GALNT18: variants seen among roughly 807,000 people sequenced by gnomAD.
GALNT18 encodes GalNAc-transferase 18.
Under a neutral mutation model 69.5 loss-of-function variants are expected in GALNT18, and 44 were observed. The ratio of observed to expected loss-of-function variants is 0.63; its 90% CI spans 0.50 to 0.81. GALNT18 has a LOEUF of 0.81. GALNT18 is among the 40% of genes least tolerant of loss of function. GALNT18 has a pLI of 0.00. For synonymous variants in GALNT18, 364 were observed against 318.2 expected (o/e 1.14, Z -1.53); for missense variants, 715 against 810.0 (o/e 0.88, Z 1.42).
At chr11:11,411,823 C>T (rs1182394685) in intron 3 of GALNT18, among the ~76,000 whole-genome samples, 1 of 152,194 alleles carries the variant, frequency 6.6e-6, no homozygotes, top group Non-Finnish European at 1.5e-5. Flanking sequence ...AGTCTAGCCT[C>T]GCTCTGACCC....
Position 11,587,176 on chromosome 11 carries a change from T to C in GALNT18, c.235+34183A>G, listed in dbSNP as rs540813592. Reference sequence around the variant, plus strand: ...GGCACAGCAATTTGCTCTAGCACTATATGACTGGTTCTGATTGGACACTGC... The same window carrying C: ...GGCACAGCAATTTGCTCTAGCACTACATGACTGGTTCTGATTGGACACTGC... On this transcript the variant is annotated intron_variant, in intron 1 of 10. Coordinates refer to ENST00000227756, the MANE Select transcript of GALNT18 (RefSeq NM_198516.3). This position sits in a 1 kb window ranked among gnomAD's most constrained non-coding sequence, Gnocchi z 4.4. 6.6e-6 allele frequency among the ~76,000 whole-genome samples: 1 copy of C among 152,328 alleles called. No homozygotes were observed. Among genetic ancestry groups the C allele is most frequent in the African/African-American group, 2.4e-5 (1 of 41,580 alleles).
chr11:11,589,122 G>A (rs1859292656), intron 1 of GALNT18, among the ~76,000 whole-genome samples: 1 of 152,168 alleles, frequency 6.6e-6, no homozygotes, highest in Non-Finnish European at 1.5e-5. Flanking sequence ...GGACTCTGCT[G>A]GTTAGCTCTC....
At chr11:11,278,229 A>C (rs1030989936) in intron 10 of GALNT18, among the ~76,000 whole-genome samples, 9 of 152,060 alleles carry the variant, frequency 5.9e-5, no homozygotes, top group Non-Finnish European at 1.2e-4. Flanking sequence ...TTAACACCCC[A>C]CCTTTAATGT....
intron 1 of GALNT18, among the ~76,000 whole-genome samples, chr11:11,468,391 C>T (rs926204336): frequency 2.0e-5 from 3 of 152,344 alleles, no homozygotes; most frequent in South Asian, 2.1e-4. Context: ...CAGGCCCCCA[C>T]TGGTGAGTGC....
chr11:11,288,412 T>A (rs570106013), intron 10 of GALNT18, among the ~76,000 whole-genome samples: 1 of 152,298 alleles, frequency 6.6e-6, no homozygotes, highest in Admixed American at 6.5e-5. Flanking sequence ...AAGCCTCCTA[T>A]GTGAAGCCAT....
In GALNT18 at chr11:11,293,150, A is replaced by G; in HGVS notation, c.1556T>C (p.Leu519Pro). 1 of 1,353,534 alleles carries G rather than the reference A, an allele frequency of 7.4e-7. No homozygotes were observed. The allele number at this position is 1,353,534 out of a possible 1,614,324, so 83.8% of individuals were successfully genotyped here. A position where few individuals can be genotyped will look rare whatever the true frequency, so the allele number is the denominator to read the frequency against. Residue 519 changes from leucine (L) to proline (P), a missense_variant, in exon 10 of 11, where the codon CTG becomes CCG. Physicochemically the swap from Leu to Pro is moderately conservative, Grantham distance 98. Transcript: ENST00000227756. ...GTCATCATCATCCACGGTGGGGCTC[A>G]GAATGCCCACATGGATCTGCTGACT... ...TSSQQIHVGI[L>P]SPTVDDDDNR...
chr11:11,343,932 A>G (rs78740708), intron 6 of GALNT18, among the ~76,000 whole-genome samples: 10,147 of 152,018 alleles, frequency 0.067, 405 homozygotes, highest in South Asian at 0.13. Context: ...CAGCACCTGA[A>G]TTCACTCCCC....
chr11:11,483,289 C>T (rs1856572608), intron 1 of GALNT18, among the ~76,000 whole-genome samples: 1 of 152,188 alleles, frequency 6.6e-6, no homozygotes, highest in African/African-American at 2.4e-5. Flanking sequence ...CCCTGATTCC[C>T]CCGGCTGTAA....
Position 11,340,785 on chromosome 11 carries a change from C to G in GALNT18, c.1278+34G>C. The G allele has an allele frequency of 6.4e-7, 1 of 1,562,966 alleles. No homozygotes were observed. Among genetic ancestry groups the G allele is most frequent in the Non-Finnish European group, 8.7e-7 (1 of 1,150,862 alleles). ...CTTGTTTTGTTTGTTTTCCACCAAT[C>G]CCCGAGAAACTCATCCCTACCGGAG... On this transcript the variant is annotated intron_variant, in intron 7 of 10. Coordinates refer to ENST00000227756, the MANE Select transcript of GALNT18 (RefSeq NM_198516.3). The surrounding 1 kb of genome is among the most constrained non-coding windows in gnomAD (Gnocchi z 4.2).
intron 10 of GALNT18, among the ~76,000 whole-genome samples, chr11:11,286,758 GAA>G (rs1849203842): frequency 6.6e-6 from 1 of 152,194 alleles, no homozygotes; most frequent in African/African-American, 2.4e-5. Context: ...GCTGATGGAA[GAA>G]GAGAGGGACA....
chr11:11,522,467 T>G (rs1857421703), intron 1 of GALNT18, among the ~76,000 whole-genome samples: 1 of 152,118 alleles, frequency 6.6e-6, no homozygotes, highest in Admixed American at 6.5e-5. Flanking sequence ...CCCAAAGCCC[T>G]GCCACATAGC....
chr11:11,468,250 C>T (rs1425143789), intron 1 of GALNT18, among the ~76,000 whole-genome samples: 2 of 152,164 alleles, frequency 1.3e-5, no homozygotes, highest in African/African-American at 2.4e-5. Flanking sequence ...CTCATCTGAA[C>T]GTCATAATGT....
chr11:11,271,477 T>A (rs1167937840), intron 10 of GALNT18, among the ~76,000 whole-genome samples, 187 bp from the exon 11 acceptor site: 1 of 152,138 alleles, frequency 6.6e-6, no homozygotes, highest in Non-Finnish European at 1.5e-5. Flanking sequence ...GAAGACTGAA[T>A]ATGTGCCACA....
intron 3 of GALNT18, among the ~76,000 whole-genome samples, chr11:11,426,639 G>C (rs1283271224): frequency 6.6e-6 from 1 of 152,170 alleles, no homozygotes; most frequent in African/African-American, 2.4e-5. Context: ...CAAATAATTA[G>C]GAGAGAGTAA....
chr11:11,423,005 G>A (rs75382339), intron 3 of GALNT18, among the ~76,000 whole-genome samples: 1 of 152,192 alleles, frequency 6.6e-6, no homozygotes, highest in Non-Finnish European at 1.5e-5. Flanking sequence ...GTTCACACAA[G>A]CACACACAAG....
rs962870354 is a variant in GALNT18, at chr11:11,564,881, T to C, written c.235+56478A>G. 1.3e-5 allele frequency among the ~76,000 whole-genome samples: 2 copies of C among 152,346 alleles called. No homozygotes were observed. The highest frequency in any genetic ancestry group is 4.8e-5 in the African/African-American group (2 of 41,568). ...AGTGGCCTGTGTCTGCTCGATACCATAGTGAACAGAATAGGTCTAGAACAT... is the reference window on the plus strand; with the variant it reads ...AGTGGCCTGTGTCTGCTCGATACCACAGTGAACAGAATAGGTCTAGAACAT... On this transcript the variant is annotated intron_variant, in intron 1 of 10. Transcript: ENST00000227756. The surrounding 1 kb of genome is among the most constrained non-coding windows in gnomAD (Gnocchi z 4.3).
intron 7 of GALNT18, among the ~76,000 whole-genome samples, chr11:11,335,541 G>T (rs935684599): frequency 6.6e-6 from 1 of 152,102 alleles, no homozygotes; most frequent in Non-Finnish European, 1.5e-5. Context: ...GTTGAATTGT[G>T]GCCTCCTCTA....
At chr11:11,272,058 CTT>C (rs1020043326) in intron 10 of GALNT18, among the ~76,000 whole-genome samples, 8 of 152,296 alleles carry the variant, frequency 5.3e-5, no homozygotes, top group Non-Finnish European at 1.2e-4. Context: ...CTCAACTAGA[CTT>C]TGGCCTCCCA....
chr11:11,360,181 A>G (rs868617697), intron 6 of GALNT18, among the ~76,000 whole-genome samples: 3 of 152,330 alleles, frequency 2.0e-5, no homozygotes, highest in South Asian at 4.1e-4. Context: ...GACGTCCCAG[A>G]CCTTGACAGG....
Sources: gnomAD v4.1 joint callset for allele counts (sites outside exome capture counted in the v4.1 genomes callset) on GRCh38, gnomAD v4.1.1 for gene constraint, Gnocchi (gnomAD v3.1) non-coding constraint, MANE v1.5 for transcripts, NCBI Gene and HGNC (gene_info 2026-07-23, HGNC 2026-07-21) for gene names.